The following FNDC7 variants were observed in gnomAD, a reference collection of about 807,000 sequenced individuals.
The protein encoded by FNDC7 is fibronectin type III domain containing 7, also known as fibronectin type III domain-containing protein 7.
Under a neutral mutation model 74.2 loss-of-function variants are expected in FNDC7, and 66 were observed. That is an observed-to-expected ratio of 0.89 (90% CI 0.73 to 1.09). The LOEUF (loss-of-function observed/expected upper bound fraction) is 1.09, where lower values mean the gene tolerates loss of function less well. Among genes scored for constraint, FNDC7 ranks in the 50% least tolerant of loss-of-function variants. The pLI, the probability that FNDC7 is intolerant of heterozygous loss-of-function variation, is 0.00. For missense variants in FNDC7, 829 were observed against 893.4 expected (o/e 0.93, Z 0.92); for synonymous variants, 307 against 330.2 (o/e 0.93, Z 0.76).
At position 108,722,389 on chromosome 1, in the gene FNDC7, CAT is replaced by C. The variant is rs754191496; in HGVS notation, c.654_655del (p.Ser219PhefsTer42). ...TCTTTCGATAGTGGAGCTCTGAAGG[CAT>C]CTTTTTCCTGGGCACGGGCAGAAGG... On this transcript the variant is annotated frameshift_variant, in exon 5 of 13. Transcript: ENST00000370017. LOFTEE classifies it high-confidence loss of function. 6.2e-7 allele frequency: 1 copy of C among 1,614,124 alleles called. No individual in the cohort carries two copies. Among genetic ancestry groups the C allele is most frequent in the African/African-American group, 1.3e-5 (1 of 75,060 alleles).
intron 4 of FNDC7, among the ~76,000 whole-genome samples, chr1:108,719,608 T>C (rs1661048565): frequency 6.6e-6 from 1 of 152,178 alleles, no homozygotes; most frequent in Admixed American, 6.5e-5. Context: ...TTCCCACTAT[T>C]GCTCCTCCAG....
At chr1:108,713,459 T>C (rs1660911805) in intron 1 of FNDC7, 52 bp from the exon 2 acceptor site, 2 of 1,499,892 alleles carry the variant, frequency 1.3e-6, no homozygotes, top group African/African-American at 1.4e-5. Flanking sequence ...TTTACGTTTG[T>C]TCAAGTTGTG....
chr1:108,733,589 T>G, intron 10 of FNDC7, 57 bp downstream of exon 10: 1 of 1,540,450 alleles, frequency 6.5e-7, no homozygotes, highest in Non-Finnish European at 8.9e-7. Flanking sequence ...ATCTGTGAAT[T>G]AAGATGCAAT....
Position 108,727,801 on chromosome 1 carries a change from C to G in FNDC7, c.1112-7C>G, listed in dbSNP as rs1253859971. 6 of 1,613,790 alleles carry G rather than the reference C, an allele frequency of 3.7e-6. No homozygotes were observed. The highest frequency in any genetic ancestry group is 5.1e-6 in the Non-Finnish European group (6 of 1,179,902). ...GACCGCCATTTTCCCTCTGCTCCTG[C>G]TTTCAGCTCCCTGTTGTCCTAGTGA... On this transcript the variant is annotated splice_region_variant and splice_polypyrimidine_tract_variant and intron_variant, in intron 6 of 12. Coordinates refer to ENST00000370017, the MANE Select transcript of FNDC7 (RefSeq NM_001144937.3).
chr1:108,742,122 T>C lies in FNDC7; in HGVS notation c.*235T>C. 2 of 367,604 alleles carry C rather than the reference T, an allele frequency of 5.4e-6. No individual in the cohort carries two copies. Among genetic ancestry groups the C allele is most frequent in the South Asian group, 3.2e-5 (1 of 31,052 alleles). 22.8% of individuals were successfully genotyped at this position (367,604 alleles called of 1,614,324 possible). On this transcript the variant is annotated 3_prime_UTR_variant, in exon 13 of 13. Transcript: ENST00000370017. ...TGTGAGGACTCTGGAGAGAAATGAATCCAGAAAGTCCCCTGGACGGCTGCT... is the reference window on the plus strand; with the variant it reads ...TGTGAGGACTCTGGAGAGAAATGAACCCAGAAAGTCCCCTGGACGGCTGCT...
chr1:108,733,121 AC>A, intron 9 of FNDC7, 150 bp from the exon 10 acceptor site: 1 of 921,534 alleles, frequency 1.1e-6, no homozygotes, highest in Non-Finnish European at 1.7e-6. Flanking sequence ...TAACTCGAGT[AC>A]CCCTTCAAAT....
chr1:108,728,286 A>G (rs568652162), intron 7 of FNDC7, among the ~76,000 whole-genome samples: 1 of 152,344 alleles, frequency 6.6e-6, no homozygotes, highest in East Asian at 1.9e-4. Flanking sequence ...CGGGGAGAGT[A>G]GAAGGTTTTG....
In FNDC7 at chr1:108,736,114, G is replaced by A. The variant is rs75166281; in HGVS notation, c.2141-1381G>A. On this transcript the variant is annotated intron_variant, in intron 10 of 12. Coordinates refer to ENST00000370017, the MANE Select transcript of FNDC7 (RefSeq NM_001144937.3). ...TAAGCCACTGTGCCCAGCCTGAACA[G>A]AGAAATTCTAGGCTCATTCCACAAC... Among the ~76,000 whole-genome samples, 1,396 of 152,282 alleles carry A rather than the reference G, an allele frequency of 9.2e-3. 22 individuals are homozygous for A. Among genetic ancestry groups the A allele is most frequent in the African/African-American group, 0.032 (1,332 of 41,558 alleles).
chr1:108,724,577 G>C (rs1661165642), intron 5 of FNDC7, among the ~76,000 whole-genome samples: 1 of 151,166 alleles, frequency 6.6e-6, no homozygotes, highest in African/African-American at 2.4e-5. Context: ...AACATGGCTA[G>C]ACCCCGTCTC....
At chr1:108,721,089 T>A (rs1026990960) in intron 4 of FNDC7, among the ~76,000 whole-genome samples, 3 of 152,098 alleles carry the variant, frequency 2.0e-5, no homozygotes, top group Non-Finnish European at 4.4e-5. Context: ...GACCATGCAG[T>A]GGGAAGGGGC....
chr1:108,726,385 G>A (rs189549799), intron 6 of FNDC7, among the ~76,000 whole-genome samples: 62 of 152,342 alleles, frequency 4.1e-4, no homozygotes, highest in Non-Finnish European at 6.8e-4. Context: ...TGGCCAAGAC[G>A]CTACATGGTG....
chr1:108,728,893 A>G lies in FNDC7; in HGVS notation c.1624+7A>G. 6.2e-7 allele frequency: 1 copy of G among 1,610,844 alleles called. No homozygotes were observed. Among genetic ancestry groups the G allele is most frequent in the Non-Finnish European group, 8.5e-7 (1 of 1,177,552 alleles). On this transcript the variant is annotated splice_region_variant and intron_variant, in intron 8 of 12. Coordinates refer to ENST00000370017, the MANE Select transcript of FNDC7 (RefSeq NM_001144937.3). ...AGTGTGCCCCTGGAAACAGGTATGT[A>G]GCAACCACCAGCCTGAATGTTGACT...
Position 108,718,018 on chromosome 1 carries a change from G to T in FNDC7, c.324G>T (p.Lys108Asn), listed in dbSNP as rs755339136. The T allele has an allele frequency of 1.3e-6, 2 of 1,551,544 alleles. No individual in the cohort carries two copies. Reference sequence around the variant, plus strand: ...GGAGAAGCCAGGCGTCACCTCCAAAGCAGGCAAAGACAGGTGGCTGGATGG... The same window carrying T: ...GGAGAAGCCAGGCGTCACCTCCAAATCAGGCAAAGACAGGTGGCTGGATGG... ...AAGRSQASPP[K>N]QAKTVLAAPI... The change falls in exon 3 of 13, where the codon AAG becomes AAT. Residue 108 changes from lysine to asparagine, a missense_variant. Coordinates refer to ENST00000370017, the MANE Select transcript of FNDC7 (RefSeq NM_001144937.3).
rs149101048 is a variant in FNDC7, at chr1:108,730,691, G to A, written c.1642G>A (p.Gly548Ser). 253 of 1,580,560 alleles carry A rather than the reference G, an allele frequency of 1.6e-4. 4 individuals carry two copies. The South Asian group carries it at 2.2e-3, about 14-fold the overall frequency. Residue 548 changes from glycine to serine, a missense_variant, in exon 9 of 13, where the codon GGT becomes AGT. Coordinates refer to ENST00000370017, the MANE Select transcript of FNDC7 (RefSeq NM_001144937.3). Reference protein sequence around the residue: ...PLETVPCCPTGLTVTQITQSV... With the variant: ...PLETVPCCPTSLTVTQITQSV... The stretch of plus-strand genomic sequence containing the variant: ...CATTTAAGTGCCATGCTGTCCAACC[G>A]GTCTGACAGTAACTCAAATCACCCA...
chr1:108,732,563 G>A lies in FNDC7; in HGVS notation c.1880-709G>A, dbSNP rs1661413545. 2.0e-5 allele frequency among the ~76,000 whole-genome samples: 3 copies of A among 152,102 alleles called. No individual in the cohort carries two copies. In the South Asian group the frequency reaches 6.2e-4, roughly 32 times the overall value. ...GGGCATTATGAGGGATCTTGACAAG[G>A]ATTCTGTGCCTTTGACTCACAGTTT... On this transcript the variant is annotated intron_variant, in intron 9 of 12. Coordinates refer to ENST00000370017, the MANE Select transcript of FNDC7 (RefSeq NM_001144937.3).
chr1:108,725,677 A>C, intron 5 of FNDC7, 73 bp from the exon 6 acceptor site: 3 of 1,516,146 alleles, frequency 2.0e-6, no homozygotes, highest in Non-Finnish European at 2.7e-6. Context: ...TTGTATTGAA[A>C]TCTTGGATAA....
chr1:108,738,427 T>C (rs1366348577), intron 11 of FNDC7, among the ~76,000 whole-genome samples: 5 of 152,094 alleles, frequency 3.3e-5, no homozygotes. Context: ...GTATGCTGCC[T>C]CATGAGGAGT....
At chr1:108,727,354 A>AC (rs75630584) in intron 6 of FNDC7, among the ~76,000 whole-genome samples, 72 of 152,040 alleles carry the variant, frequency 4.7e-4, no homozygotes, top group Admixed American at 4.4e-3. Flanking sequence ...AACAACAACA[A>AC]AAAAACTACT....
chr1:108,719,659 G>A (rs186635169), intron 4 of FNDC7, among the ~76,000 whole-genome samples: 3 of 152,094 alleles, frequency 2.0e-5, no homozygotes, highest in East Asian at 1.9e-4. Context: ...TTTTCTCACC[G>A]TCCCACCTAG....
Sources: allele counts gnomAD v4.1 joint callset (sites outside exome capture counted in the v4.1 genomes callset), GRCh38; gene constraint gnomAD v4.1.1; transcripts MANE v1.5; gene names NCBI Gene and HGNC (gene_info 2026-07-23, HGNC 2026-07-21).